Variants in RTN4R observed in about 807,000 individuals in gnomAD.
The protein encoded by RTN4R is reticulon-4 receptor.
In RTN4R, 4 loss-of-function variants were observed where a neutral mutation model predicts 27.7. The ratio of observed to expected loss-of-function variants is 0.14; its 90% CI spans 0.07 to 0.33. RTN4R has a LOEUF of 0.33. RTN4R is among the 10% of genes least tolerant of loss of function. The pLI, the probability that RTN4R is intolerant of heterozygous loss-of-function variation, is 1.00. For synonymous variants in RTN4R, 290 were observed against 305.6 expected, an observed-to-expected ratio of 0.95 and a Z score of 0.53; for missense variants, 554 against 671.5, an observed-to-expected ratio of 0.83 and a Z score of 1.93.
intron 1 of RTN4R, among the ~76,000 whole-genome samples, chr22:20,245,917 C>G: frequency 6.6e-6 from 1 of 152,226 alleles, no homozygotes; most frequent in East Asian, 1.9e-4. Flanking sequence ...GGATAGCGTG[C>G]CTGTCCACCG....
chr22:20,257,654 C>A (rs1353433816), intron 1 of RTN4R, among the ~76,000 whole-genome samples: 1 of 152,230 alleles, frequency 6.6e-6, no homozygotes, highest in Admixed American at 6.5e-5. Flanking sequence ...TTTGTCATGG[C>A]AGCTTGATCA....
rs1353357229 is a variant in RTN4R, at chr22:20,242,889, T to C, written c.244A>G (p.Asn82Asp). Residue 82 changes from asparagine to aspartate, a missense_variant, in exon 2 of 2, where the codon AAC becomes GAC. Transcript: ENST00000043402. ...VPAASFRACR[N>D]LTILWLHSNV... ...GAGTGCAGCCACAGGATGGTGAGGT[T>C]GCGGCAGGCACGGAAGCTGGCAGCT... The C allele has an allele frequency of 1.2e-6, 2 of 1,612,818 alleles. No homozygotes were observed. The highest frequency in any genetic ancestry group is 1.7e-5 in the Admixed American group (1 of 60,000).
Position 20,268,046 on chromosome 22 carries a change from G to A in RTN4R, c.22+25C>T, listed in dbSNP as rs1602655447. 13 of 1,165,830 alleles carry A rather than the reference G, an allele frequency of 1.1e-5. No individual in the cohort carries two copies. The East Asian group carries it at 5.2e-4, about 46-fold the overall frequency. 72.2% of individuals were successfully genotyped at this position (1,165,830 alleles called of 1,614,324 possible). On this transcript the variant is annotated intron_variant, in intron 1 of 1. Transcript: ENST00000043402. ...CCCTCCGCGCCCCGCCGCCGGCCGG[G>A]CTCGGGTGCAGCGCGGACACTCACC...
intron 1 of RTN4R, among the ~76,000 whole-genome samples, chr22:20,246,004 C>T (rs758808860): frequency 1.2e-4 from 19 of 152,242 alleles, no homozygotes; most frequent in Non-Finnish European, 2.4e-4. Flanking sequence ...CCAAGCTGCA[C>T]ACAAACTGGT....
At chr22:20,249,142 C>A in intron 1 of RTN4R, 1 of 534,408 alleles carries the variant, frequency 1.9e-6, no homozygotes, top group Non-Finnish European at 3.8e-6. Flanking sequence ...CCTGTCTCCA[C>A]CAAGGGCTCA....
intron 1 of RTN4R, among the ~76,000 whole-genome samples, chr22:20,244,907 AC>A (rs1478891129): frequency 6.6e-6 from 1 of 151,950 alleles, no homozygotes; most frequent in Non-Finnish European, 1.5e-5. Flanking sequence ...GACTGCACCC[AC>A]CAAGACTAGC....
At chr22:20,258,764 G>A (rs933647165) in intron 1 of RTN4R, among the ~76,000 whole-genome samples, 4 of 152,190 alleles carry the variant, frequency 2.6e-5, no homozygotes, top group Admixed American at 6.5e-5. Context: ...TGTGATCTGG[G>A]GGCCAGGGGA....
intron 1 of RTN4R, among the ~76,000 whole-genome samples, chr22:20,260,122 G>A (rs776737916): frequency 5.9e-5 from 9 of 152,166 alleles, no homozygotes; most frequent in African/African-American, 1.9e-4. Context: ...TGGCCCCAGC[G>A]GGTGGGGCAG....
At chr22:20,267,916 G>T (rs1477205266) in intron 1 of RTN4R, among the ~76,000 whole-genome samples, 155 bp downstream of exon 1, 1 of 151,940 alleles carries the variant, frequency 6.6e-6, no homozygotes, top group Non-Finnish European at 1.5e-5. Context: ...AGCGGCCCCA[G>T]CCTGGCGCGG....
chr22:20,262,087 C>A (rs2051251117), intron 1 of RTN4R, among the ~76,000 whole-genome samples: 1 of 152,162 alleles, frequency 6.6e-6, no homozygotes, highest in Non-Finnish European at 1.5e-5. Flanking sequence ...TGAGGATGGC[C>A]CTCAGTGAGG....
Position 20,241,725 on chromosome 22 carries a change from G to A in RTN4R, c.1408C>T (p.Leu470Phe), listed in dbSNP as rs962899274. ...TCCGCTGGGGGTCAGCAGGGCCCAA[G>A]CACTGTCCACAGCACCAGCGCCAGG... is the stretch of plus-strand genomic sequence containing the variant. The part of the protein sequence containing the change: ...LGLALVLWTV[L>F]GPC Residue 470 changes from leucine to phenylalanine, a missense_variant, in exon 2 of 2, where the codon CTT (leucine) becomes TTT (phenylalanine). Around this residue, in one of 2 missense-constraint regions of RTN4R, gnomAD observed 141 missense variants for 129.2 expected, o/e 1.09. Transcript: ENST00000043402. 2.6e-6 allele frequency: 4 copies of A among 1,550,118 alleles called. No homozygotes were observed. In the African/African-American group the frequency reaches 4.1e-5, roughly 16 times the overall value.
rs938161658 is a variant in RTN4R at position 20,241,473 on chromosome 22, T to G, written c.*238A>C. ...ATATTTTTACACAAGTAAAATAAAA[T>G]GCATATCTCTATATACCGCGATCTG... On this transcript the variant is annotated 3_prime_UTR_variant, in exon 2 of 2. Coordinates refer to ENST00000043402, the MANE Select transcript of RTN4R (RefSeq NM_023004.6). 1.7e-6 allele frequency: 1 copy of G among 574,060 alleles called. No individual in the cohort carries two copies. Among genetic ancestry groups the G allele is most frequent in the Non-Finnish European group, 3.1e-6 (1 of 323,212 alleles). The allele number at this position is 574,060 out of a possible 1,614,324, so 35.6% of individuals were successfully genotyped here.
In RTN4R at chr22:20,242,023, C is replaced by T. The variant is rs771040606; in HGVS notation, c.1110G>A (p.Pro370=). 53 of 1,611,684 alleles carry T rather than the reference C, an allele frequency of 3.3e-5. No individual in the cohort carries two copies. The highest frequency in any genetic ancestry group is 1.6e-4 in the Middle Eastern group (1 of 6,062). Residue 370 remains proline, a synonymous_variant, in exon 2 of 2, where the codon CCG becomes CCA. Transcript: ENST00000043402. ...TGTGCCGTGGGCCAGAGCCGTTGCC[C>T]GGCGGGCTGTCACCGGGCGGCACGC... ...KGRVPPGDSP[P]GNGSGPRHIN...
intron 1 of RTN4R, among the ~76,000 whole-genome samples, chr22:20,248,418 C>A (rs776569011): frequency 1.3e-5 from 2 of 152,190 alleles, no homozygotes; most frequent in African/African-American, 4.8e-5. Context: ...AGAGGGTACA[C>A]CTTTCAAGTC....
chr22:20,255,823 G>A lies in RTN4R; in HGVS notation c.22+12248C>T, dbSNP rs1376009863. Among the ~76,000 whole-genome samples, 1 of 152,210 alleles carries A rather than the reference G, an allele frequency of 6.6e-6. No homozygotes were observed. The highest frequency in any genetic ancestry group is 2.4e-5 in the African/African-American group (1 of 41,462). ...GGGGTCGCCTAGCACTGGGGTGGGT[G>A]TGCAGCCCCCAGCCTCCTTTCTGAC... is the stretch of plus-strand genomic sequence containing the variant. On this transcript the variant is annotated intron_variant, in intron 1 of 1. Transcript: ENST00000043402. The surrounding 1 kb of genome is among the most constrained non-coding windows in gnomAD (Gnocchi z 4.8).
At chr22:20,261,209 G>C (rs1381483472) in intron 1 of RTN4R, among the ~76,000 whole-genome samples, 2 of 152,208 alleles carry the variant, frequency 1.3e-5, no homozygotes, top group Non-Finnish European at 2.9e-5. Context: ...TCAGAGTCCA[G>C]CCTGGATCCC....
At position 20,242,035 on chromosome 22, in the gene RTN4R, A is replaced by C. The variant is rs1343257398; in HGVS notation, c.1098T>G (p.Gly366=). ...CAGAGCCGTTGCCCGGCGGGCTGTC[A>C]CCGGGCGGCACGCGTCCCTTCAGCG... The part of the protein sequence containing the change: ...GNALKGRVPP[G]DSPPGNGSGP... The change falls in exon 2 of 2, where the codon GGT becomes GGG. Residue 366 remains glycine (G), a synonymous_variant. Coordinates refer to ENST00000043402, the MANE Select transcript of RTN4R (RefSeq NM_023004.6). 7 of 1,611,908 alleles carry C rather than the reference A, an allele frequency of 4.3e-6. No individual in the cohort carries two copies. Among genetic ancestry groups the C allele is most frequent in the Non-Finnish European group, 5.9e-6 (7 of 1,179,818 alleles).
rs1434358610 is a variant in RTN4R at position 20,241,985 on chromosome 22, G to C, written c.1148C>G (p.Pro383Arg). 1 of 1,610,326 alleles carries C rather than the reference G, an allele frequency of 6.2e-7. No homozygotes were observed. The highest frequency in any genetic ancestry group is 1.7e-5 in the Admixed American group (1 of 60,020). ...GSGPRHINDSPFGTLPGSAEP... is the reference protein window; with the variant it reads ...GSGPRHINDSRFGTLPGSAEP... Reference sequence around the variant, plus strand: ...AGCAGAGCCAGGCAGAGTCCCAAAGGGTGAGTCATTGATGTGCCGTGGGCC... The same window carrying C: ...AGCAGAGCCAGGCAGAGTCCCAAAGCGTGAGTCATTGATGTGCCGTGGGCC... Residue 383 changes from proline to arginine, a missense_variant, in exon 2 of 2, where the codon CCC (proline) becomes CGC (arginine). Transcript: ENST00000043402.
intron 1 of RTN4R, among the ~76,000 whole-genome samples, chr22:20,263,277 A>T (rs1365898689): frequency 6.6e-6 from 1 of 152,044 alleles, no homozygotes; most frequent in South Asian, 2.1e-4. Flanking sequence ...GGGGCACTTC[A>T]ACCACTGTTT....
Sources: gnomAD v4.1 joint callset for allele counts (sites outside exome capture counted in the v4.1 genomes callset) on GRCh38, gnomAD v4.1.1 for gene constraint, gnomAD v4.1.1 regional missense constraint, Gnocchi (gnomAD v3.1) non-coding constraint, MANE v1.5 for transcripts, NCBI Gene and HGNC (gene_info 2026-07-23, HGNC 2026-07-21) for gene names.